NRG1: variants seen among roughly 807,000 people sequenced by gnomAD.
NRG1 encodes the protein pro-neuregulin-1, membrane-bound isoform.
NRG1 carries 18 observed loss-of-function variants against 63.8 expected under a neutral mutation model. That is an observed-to-expected ratio of 0.28 (90% confidence interval 0.19 to 0.42). NRG1 has a LOEUF of 0.42. Among genes scored for constraint, NRG1 ranks in the 10% least tolerant of loss-of-function variants. The pLI, the probability that NRG1 is intolerant of heterozygous loss-of-function variation, is 1.00. For synonymous variants in NRG1, 302 were observed against 301.3 expected (o/e 1.00, Z -0.02); for missense variants, 762 against 814.7 (o/e 0.94, Z 0.79).
At chr8:32,635,433 T>C (rs1419274167) in intron 5 of NRG1, among the ~76,000 whole-genome samples, 1 of 152,244 alleles carries the variant, frequency 6.6e-6, no homozygotes, top group African/African-American at 2.4e-5. Context: ...TGCCAGATTG[T>C]GAAAAGAAGT....
intron 1 of NRG1, among the ~76,000 whole-genome samples, chr8:32,495,659 C>T (rs566558083): frequency 4.6e-5 from 7 of 152,216 alleles, no homozygotes; most frequent in Middle Eastern, 3.4e-3. Context: ...GATGGGGTTT[C>T]GCCACGTTGG....
At chr8:32,190,301 A>G (rs1457386700) in intron 1 of NRG1, among the ~76,000 whole-genome samples, 1 of 152,004 alleles carries the variant, frequency 6.6e-6, no homozygotes, top group East Asian at 1.9e-4. Flanking sequence ...TAACTGCCCA[A>G]CAGACTTCAA....
intron 1 of NRG1, among the ~76,000 whole-genome samples, chr8:31,873,521 T>C (rs1455149927): frequency 1.3e-5 from 2 of 152,112 alleles, no homozygotes; most frequent in Non-Finnish European, 2.9e-5. Context: ...ATCAGACCAC[T>C]GCACTCCAGT....
intron 1 of NRG1, among the ~76,000 whole-genome samples, chr8:31,833,663 C>T (rs13253342): frequency 0.76 from 116,272 of 152,078 alleles, 44,790 homozygotes; most frequent in East Asian, 0.99. Context: ...TATGTCCCTG[C>T]TTGTTTGAAT....
At chr8:32,393,552 C>T (rs1812048327) in intron 1 of NRG1, among the ~76,000 whole-genome samples, 1 of 152,092 alleles carries the variant, frequency 6.6e-6, no homozygotes, top group Non-Finnish European at 1.5e-5. Context: ...ACTATGCAGC[C>T]ATAAAAAGAA....
intron 1 of NRG1, among the ~76,000 whole-genome samples, chr8:31,967,970 G>A (rs1023910): frequency 0.75 from 114,714 of 152,020 alleles, 43,951 homozygotes; most frequent in Non-Finnish European, 0.82. Flanking sequence ...TGGAGGTTCA[G>A]CTTTTAATTT....
intron 4 of NRG1, among the ~76,000 whole-genome samples, chr8:32,615,682 C>T (rs184934425): frequency 7.9e-5 from 12 of 152,140 alleles, no homozygotes; most frequent in Non-Finnish European, 1.8e-4. Context: ...CTCTTCCCTT[C>T]AAAGCCATTT....
At chr8:32,545,330 T>G (rs1201240243), upstream of NRG1, among the ~76,000 whole-genome samples, 1 of 152,244 alleles carries the variant, frequency 6.6e-6, no homozygotes, top group Non-Finnish European at 1.5e-5. Context: ...TTTTAAAATC[T>G]GTACTCTTTT....
At chr8:31,667,669 A>G (rs918249689) in intron 1 of NRG1, among the ~76,000 whole-genome samples, 3 of 152,204 alleles carry the variant, frequency 2.0e-5, no homozygotes, top group African/African-American at 7.2e-5. Context: ...TTGGGAGTCA[A>G]GGACATTGTC....
In NRG1 at chr8:32,759,450, A is replaced by G. The variant is rs1463119402; in HGVS notation, c.1052+14A>G. The G allele has an allele frequency of 6.2e-7, 1 of 1,609,222 alleles. No homozygotes were observed. Among genetic ancestry groups the G allele is most frequent in the South Asian group, 1.1e-5 (1 of 89,960 alleles). On this transcript the variant is annotated intron_variant, in intron 10 of 11. Coordinates refer to ENST00000356819, the Ensembl canonical transcript of NRG1. ...TCCTAGCCACAGGTATGAGAATTTA[A>G]AAATTCCACGGCTTTTCTCTCAGAA...
intron 1 of NRG1, among the ~76,000 whole-genome samples, chr8:32,334,156 G>C (rs1042101475): frequency 6.6e-6 from 1 of 151,864 alleles, no homozygotes; most frequent in Non-Finnish European, 1.5e-5. Context: ...TTTTTCTTTA[G>C]GACTTGGAAT....
At chr8:32,111,052 T>C (rs759166806) in intron 1 of NRG1, among the ~76,000 whole-genome samples, 2 of 152,168 alleles carry the variant, frequency 1.3e-5, no homozygotes, top group Non-Finnish European at 2.9e-5. Context: ...AGGTGACATT[T>C]TGACAAATAA....
intron 1 of NRG1, among the ~76,000 whole-genome samples, chr8:32,026,897 A>G (rs1817466671): frequency 6.6e-6 from 1 of 151,918 alleles, no homozygotes; most frequent in Non-Finnish European, 1.5e-5. Flanking sequence ...AATTGCTTTT[A>G]TCTCCTTATC....
chr8:32,067,648 A>G (rs1044913034), intron 1 of NRG1, among the ~76,000 whole-genome samples: 5 of 152,126 alleles, frequency 3.3e-5, no homozygotes, highest in African/African-American at 1.2e-4. Context: ...TTTGGAAGTT[A>G]CTACCAAGCA....
chr8:32,131,844 C>T (rs1834861396), intron 1 of NRG1, among the ~76,000 whole-genome samples: 1 of 151,976 alleles, frequency 6.6e-6, no homozygotes, highest in Non-Finnish European at 1.5e-5. Context: ...ATTGACATAG[C>T]CACTAATCAG....
intron 1 of NRG1, among the ~76,000 whole-genome samples, chr8:32,528,012 C>T (rs1052284900): frequency 5.9e-5 from 9 of 152,176 alleles, no homozygotes; most frequent in Non-Finnish European, 8.8e-5. Context: ...CCCTTTGCAT[C>T]AAGCTTACAT....
chr8:32,523,209 C>T (rs1830504316), intron 1 of NRG1, among the ~76,000 whole-genome samples: 1 of 152,150 alleles, frequency 6.6e-6, no homozygotes, highest in Non-Finnish European at 1.5e-5. Flanking sequence ...TTTCCAACTA[C>T]TCATCTATTT....
intron 1 of NRG1, among the ~76,000 whole-genome samples, chr8:32,094,084 G>T (rs1466044208): frequency 6.6e-6 from 1 of 152,160 alleles, no homozygotes; most frequent in Non-Finnish European, 1.5e-5. Context: ...GTTTGGATTT[G>T]GTTCTGATAT....
At chr8:32,651,495 A>G (rs1855114336) in intron 5 of NRG1, among the ~76,000 whole-genome samples, 1 of 152,156 alleles carries the variant, frequency 6.6e-6, no homozygotes, top group Non-Finnish European at 1.5e-5. Context: ...AGATTATCAT[A>G]AAAAGAGCTG....
Sources: gnomAD v4.1 joint callset for allele counts (sites outside exome capture counted in the v4.1 genomes callset) on GRCh38, gnomAD v4.1.1 for gene constraint, MANE v1.5 for transcripts, NCBI Gene and HGNC (gene_info 2026-07-23, HGNC 2026-07-21) for gene names.